The following STK3 variants were observed in gnomAD, a reference collection of about 807,000 sequenced individuals.
STK3 encodes serine/threonine kinase 3, also known as serine/threonine-protein kinase 3.
A neutral mutation model predicts 58.0 loss-of-function variants in STK3; 41 were observed. The ratio of observed to expected loss-of-function variants is 0.71; its 90% confidence interval spans 0.55 to 0.92. STK3 has a LOEUF of 0.92. STK3 is among the 40% of genes least tolerant of loss of function. The pLI, the probability that STK3 is intolerant of heterozygous loss-of-function variation, is 0.00. For synonymous variants in STK3, 170 were observed against 191.0 expected, an observed-to-expected ratio of 0.89 and a Z score of 0.91; for missense variants, 479 against 602.7, an observed-to-expected ratio of 0.79 and a Z score of 2.15.
intron 3 of STK3, among the ~76,000 whole-genome samples, chr8:98,860,212 T>C (rs901835143): frequency 1.3e-5 from 2 of 152,206 alleles, no homozygotes; most frequent in African/African-American, 4.8e-5. Flanking sequence ...TCAAAATAGA[T>C]GTGATAACAT....
chr8:98,528,795 G>C (rs1006429004), intron 9 of STK3, among the ~76,000 whole-genome samples: 1 of 152,252 alleles, frequency 6.6e-6, no homozygotes, highest in East Asian at 1.9e-4. Flanking sequence ...TTTTTAAAAC[G>C]TAAAATTGAA....
chr8:98,808,854 AG>A (rs907841566), intron 1 of STK3, among the ~76,000 whole-genome samples: 4 of 152,180 alleles, frequency 2.6e-5, no homozygotes, highest in African/African-American at 9.7e-5. Context: ...GGGAGTGGGT[AG>A]GGAAGCTGGT....
intron 7 of STK3, among the ~76,000 whole-genome samples, chr8:98,590,332 A>G (rs542343418): frequency 1.3e-5 from 2 of 152,202 alleles, no homozygotes; most frequent in South Asian, 2.1e-4. Flanking sequence ...TTCCACCGTA[A>G]GAGTTACCGA....
chr8:98,606,888 C>T (rs1816818421), intron 6 of STK3, among the ~76,000 whole-genome samples: 1 of 152,166 alleles, frequency 6.6e-6, no homozygotes, highest in Non-Finnish European at 1.5e-5. Flanking sequence ...AGTTATCAAA[C>T]CTGAGGGGAT....
chr8:98,613,460 T>C (rs1428747574), intron 6 of STK3, among the ~76,000 whole-genome samples: 1 of 152,100 alleles, frequency 6.6e-6, no homozygotes, highest in East Asian at 1.9e-4. Context: ...TGAACAATCA[T>C]GAAAATAACT....
chr8:98,399,964 T>C (rs1817927615), downstream of STK3, among the ~76,000 whole-genome samples: 1 of 152,210 alleles, frequency 6.6e-6, no homozygotes, highest in Non-Finnish European at 1.5e-5. Context: ...CACTGCCCAT[T>C]GATCGAGGCC....
intron 6 of STK3, among the ~76,000 whole-genome samples, chr8:98,632,905 G>C (rs1819363921): frequency 6.6e-6 from 1 of 151,832 alleles, no homozygotes. Flanking sequence ...AACCTTCCCA[G>C]TTATTAAAAA....
At chr8:98,347,280 C>T in the STK3 span, among the ~76,000 whole-genome samples, 17 of 151,850 alleles carry the variant, frequency 1.1e-4, no homozygotes, top group East Asian at 1.9e-4. Flanking sequence ...TTTGGGAGGC[C>T]GAGGCGGGCG....
chr8:98,665,766 C>T (rs940538479), intron 6 of STK3, among the ~76,000 whole-genome samples: 19 of 150,604 alleles, frequency 1.3e-4, no homozygotes, highest in African/African-American at 3.9e-4. Context: ...TGCAGTAGCG[C>T]GATCTCGGCT....
At chr8:98,789,650 C>T (rs1587626669) in intron 1 of STK3, among the ~76,000 whole-genome samples, 1 of 152,116 alleles carries the variant, frequency 6.6e-6, no homozygotes, top group African/African-American at 2.4e-5. Flanking sequence ...AACTAGAAAA[C>T]CTAGAGGAGA....
chr8:98,884,045 G>A (rs1013476776), intron 1 of STK3, among the ~76,000 whole-genome samples: 1 of 152,094 alleles, frequency 6.6e-6, no homozygotes, highest in African/African-American at 2.4e-5. Context: ...CAGCCAATGT[G>A]GACAAGGAAA....
At chr8:98,858,841 G>A (rs558333433) in intron 3 of STK3, among the ~76,000 whole-genome samples, 12 of 148,946 alleles carry the variant, frequency 8.1e-5, no homozygotes, top group South Asian at 6.4e-4. Context: ...GCAGTGAGCC[G>A]AGATAATGCC....
chr8:98,550,679 A>G (rs987583493), intron 8 of STK3, among the ~76,000 whole-genome samples: 1 of 152,126 alleles, frequency 6.6e-6, no homozygotes, highest in African/African-American at 2.4e-5. Flanking sequence ...TACTGCAGCT[A>G]ATGCTTCCTG....
chr8:98,389,171 T>G (rs1817821924), upstream of STK3, among the ~76,000 whole-genome samples: 1 of 152,204 alleles, frequency 6.6e-6, no homozygotes, highest in Admixed American at 6.5e-5. Context: ...CCTATGGATG[T>G]CTCACCTTTC....
intron 10 of STK3, among the ~76,000 whole-genome samples, chr8:98,493,223 A>T (rs1393013310): frequency 1.5e-5 from 1 of 68,238 alleles, no homozygotes; most frequent in Non-Finnish European, 3.0e-5. Flanking sequence ...ATAGAGCAAG[A>T]CCCTGTCTCA....
intron 10 of STK3, among the ~76,000 whole-genome samples, chr8:98,475,450 G>A (rs1821234972): frequency 6.6e-6 from 1 of 152,176 alleles, no homozygotes; most frequent in Non-Finnish European, 1.5e-5. Flanking sequence ...TTTTAGAGCT[G>A]ACTACAATAG....
At chr8:98,578,222 G>A (rs1813568740) in intron 8 of STK3, among the ~76,000 whole-genome samples, 2 of 152,148 alleles carry the variant, frequency 1.3e-5, no homozygotes, top group African/African-American at 4.8e-5. Flanking sequence ...TAGGAAATAT[G>A]AAACCCCCTG....
At chr8:98,666,298 G>A (rs1239494568) in intron 6 of STK3, among the ~76,000 whole-genome samples, 1 of 151,992 alleles carries the variant, frequency 6.6e-6, no homozygotes, top group African/African-American at 2.4e-5. Context: ...CTTAGGGGTA[G>A]ACAGGTATAT....
intron 3 of STK3, among the ~76,000 whole-genome samples, chr8:98,406,745 A>G (rs1266695432): frequency 6.6e-6 from 1 of 152,204 alleles, no homozygotes; most frequent in Non-Finnish European, 1.5e-5. Flanking sequence ...AAAAGCTACA[A>G]TGCTCTTTTT....
Sources: allele counts gnomAD v4.1 joint callset (sites outside exome capture counted in the v4.1 genomes callset), GRCh38; gene constraint gnomAD v4.1.1; transcripts MANE v1.5; gene names NCBI Gene and HGNC (gene_info 2026-07-23, HGNC 2026-07-21).